The following KCNN2 variants were observed in gnomAD, a reference collection of about 807,000 sequenced individuals.
The protein encoded by KCNN2 is small conductance calcium-activated potassium channel protein 2.
Under a neutral mutation model 55.5 loss-of-function variants are expected in KCNN2, and 24 were observed. The observed-to-expected ratio is 0.43, with a 90% confidence interval of 0.31 to 0.61. KCNN2 has a LOEUF of 0.61. Ranked by LOEUF, KCNN2 falls within the 20% of genes least tolerant of loss-of-function variation. The probability of loss-of-function intolerance (pLI) is 0.08; values close to 1 mark genes in which losing one functional copy is unlikely to be tolerated. For synonymous variants in KCNN2, 431 were observed against 336.1 expected (o/e 1.28, Z -3.09); for missense variants, 754 against 853.6 (o/e 0.88, Z 1.45).
chr5:114,163,543 C>G (rs530797898), intron 1 of KCNN2, among the ~76,000 whole-genome samples: 1 of 152,240 alleles, frequency 6.6e-6, no homozygotes, highest in Non-Finnish European at 1.5e-5. Flanking sequence ...CTATTGAGAT[C>G]ATCATGTGGT....
chr5:114,404,232 G>C (rs1758869794), intron 2 of KCNN2, among the ~76,000 whole-genome samples: 1 of 152,140 alleles, frequency 6.6e-6, no homozygotes, highest in Admixed American at 6.5e-5. Flanking sequence ...TTTAGCTCCT[G>C]AGTACCAAGT....
At chr5:114,078,746 T>C (rs1224890574) in intron 1 of KCNN2, among the ~76,000 whole-genome samples, 3 of 152,082 alleles carry the variant, frequency 2.0e-5, no homozygotes, top group African/African-American at 4.8e-5. Context: ...AAGATGTAGG[T>C]AGGTAGAAGG....
chr5:114,216,648 A>G (rs760828081), intron 1 of KCNN2, among the ~76,000 whole-genome samples: 2 of 152,130 alleles, frequency 1.3e-5, no homozygotes, highest in Non-Finnish European at 2.9e-5. Flanking sequence ...ATTGGTAGAG[A>G]ATATATACGA....
intron 1 of KCNN2, among the ~76,000 whole-genome samples, chr5:114,155,310 C>A (rs1752608108): frequency 6.6e-6 from 1 of 152,148 alleles, no homozygotes; most frequent in East Asian, 1.9e-4. Flanking sequence ...TAGGTTGATT[C>A]TGTGTCATTG....
At chr5:114,445,637 T>C (rs1025538831) in intron 3 of KCNN2, among the ~76,000 whole-genome samples, 2 of 152,188 alleles carry the variant, frequency 1.3e-5, no homozygotes, top group Admixed American at 1.3e-4. Context: ...AAAAAGATCA[T>C]CTCTATATGT....
intron 2 of KCNN2, among the ~76,000 whole-genome samples, chr5:114,284,519 T>A (rs1383976598): frequency 6.6e-6 from 1 of 152,128 alleles, no homozygotes; most frequent in Non-Finnish European, 1.5e-5. Context: ...CATCTCCATT[T>A]TTTCTTTTTT....
intron 2 of KCNN2, among the ~76,000 whole-genome samples, chr5:114,334,261 T>C (rs1354426894): frequency 8.0e-4 from 1 of 1,250 alleles, no homozygotes; most frequent in Admixed American, 0.024. Context: ...ATATGCCTGA[T>C]GTGTGTGTGT....
chr5:114,080,297 T>A (rs1389045699), intron 1 of KCNN2, among the ~76,000 whole-genome samples: 2 of 152,208 alleles, frequency 1.3e-5, no homozygotes, highest in African/African-American at 4.8e-5. Context: ...GATTTTGCTA[T>A]CCAGGGAATC....
chr5:114,084,669 T>C (rs1284820374), intron 1 of KCNN2, among the ~76,000 whole-genome samples: 1 of 152,064 alleles, frequency 6.6e-6, no homozygotes, highest in Non-Finnish European at 1.5e-5. Flanking sequence ...TTAATTTTAA[T>C]GAAGTGCTAC....
intron 1 of KCNN2, among the ~76,000 whole-genome samples, chr5:114,211,907 T>C (rs1753894590): frequency 6.6e-6 from 1 of 151,608 alleles, no homozygotes; most frequent in African/African-American, 2.4e-5. Context: ...ACCTATATTT[T>C]AATTCAATTA....
chr5:114,252,060 T>A (rs1416371188), intron 2 of KCNN2, among the ~76,000 whole-genome samples: 1 of 151,866 alleles, frequency 6.6e-6, no homozygotes, highest in African/African-American at 2.4e-5. Context: ...GTATTTTTAG[T>A]AGAGACGTGG....
chr5:114,237,323 A>AC (rs1754523549), intron 2 of KCNN2, among the ~76,000 whole-genome samples: 2 of 151,380 alleles, frequency 1.3e-5, no homozygotes, highest in Admixed American at 1.3e-4. Flanking sequence ...CCACAGAAAA[A>AC]AAAAATGCCC....
intron 2 of KCNN2, among the ~76,000 whole-genome samples, chr5:114,258,456 A>G (rs959055122): frequency 5.9e-5 from 9 of 152,194 alleles, no homozygotes; most frequent in African/African-American, 2.2e-4. Context: ...TTTGGCTGTG[A>G]ATCCAACTGG....
intron 2 of KCNN2, among the ~76,000 whole-genome samples, chr5:114,387,017 C>G (rs1407479202): frequency 6.6e-6 from 1 of 152,152 alleles, no homozygotes; most frequent in Non-Finnish European, 1.5e-5. Flanking sequence ...TTCCCTACAG[C>G]ATTTAGGGTA....
chr5:114,196,295 A>G (rs950672323), intron 1 of KCNN2, among the ~76,000 whole-genome samples: 2 of 152,016 alleles, frequency 1.3e-5, no homozygotes, highest in South Asian at 2.1e-4. Context: ...AAATTTTAAC[A>G]TCTGTGTTCA....
At chr5:114,205,991 TTTACA>T (rs1235403440) in intron 1 of KCNN2, among the ~76,000 whole-genome samples, 1 of 152,208 alleles carries the variant, frequency 6.6e-6, no homozygotes, top group Non-Finnish European at 1.5e-5. Context: ...CTAGATGTTC[TTTACA>T]TTCCATTCAA....
intron 2 of KCNN2, chr5:114,253,682 GT>G (rs1375376960): frequency 6.6e-6 from 1 of 152,208 alleles, no homozygotes; most frequent in East Asian, 1.9e-4. Context: ...GGGTATATGA[GT>G]AGCTGCGTTC....
rs73252602 is a variant in KCNN2 at position 114,200,401 on chromosome 5, T to C, written c.-270-21079T>C. On this transcript the variant is annotated intron_variant, in intron 1 of 10. Coordinates refer to the KCNN2 transcript ENST00000512097. ...GATATCTGTCTCTTTGGTAAGTTTC[T>C]CATTCGCATCCTGGATTGATTTTCC... is the stretch of plus-strand genomic sequence containing the variant. 6.5e-3 allele frequency among the ~76,000 whole-genome samples: 994 copies of C among 152,170 alleles called. 12 individuals are homozygous for C. The highest frequency in any genetic ancestry group is 0.022 in the African/African-American group (902 of 41,544).
intron 2 of KCNN2, among the ~76,000 whole-genome samples, chr5:114,401,992 T>C (rs1248761965): frequency 6.6e-6 from 1 of 152,058 alleles, no homozygotes; most frequent in African/African-American, 2.4e-5. Context: ...AGGAATATGG[T>C]AATGGAGAGT....
Sources: gnomAD v4.1 joint callset for allele counts (sites outside exome capture counted in the v4.1 genomes callset) on GRCh38, gnomAD v4.1.1 for gene constraint, MANE v1.5 for transcripts, NCBI Gene and HGNC (gene_info 2026-07-23, HGNC 2026-07-21) for gene names.